Variants in PLEKHH3 observed in about 807,000 individuals in gnomAD.
The protein encoded by PLEKHH3 is pleckstrin homology domain-containing family H member 3.
A neutral mutation model predicts 77.8 loss-of-function variants in PLEKHH3; 57 were observed. The observed-to-expected ratio is 0.73, with a 90% CI of 0.59 to 0.91. PLEKHH3 has a LOEUF of 0.91. Ranked by LOEUF, PLEKHH3 falls within the 40% of genes least tolerant of loss-of-function variation. PLEKHH3 has a pLI of 0.00. For missense variants in PLEKHH3, 1,082 were observed against 1,091.2 expected (o/e 0.99, Z 0.12); for synonymous variants, 467 against 504.8 (o/e 0.93, Z 1.00).
Position 42,674,121 on chromosome 17 carries a change from C to T in PLEKHH3, c.219-108G>A, listed in dbSNP as rs1209383689. 6 of 1,252,924 alleles carry T rather than the reference C, an allele frequency of 4.8e-6. No individual in the cohort carries two copies. The African/African-American group carries it at 7.5e-5, about 16-fold the overall frequency. The allele number at this position is 1,252,924 out of a possible 1,614,324, so 77.6% of individuals were successfully genotyped here. A position where few individuals can be genotyped will look rare whatever the true frequency, so the allele number is the denominator to read the frequency against. ...GTCTGCTCCCAAGCTGGGCACCCCT[C>T]CCCCAGGCTGTGGGAACCGCTGGGC... On this transcript the variant is annotated intron_variant, in intron 2 of 12. Transcript: ENST00000591022.
chr17:42,669,320 C>G (rs1479747661), intron 12 of PLEKHH3, 110 bp downstream of exon 12: 1 of 1,146,294 alleles, frequency 8.7e-7, no homozygotes, highest in African/African-American at 1.6e-5. Context: ...GTGATCACTG[C>G]TGGATCCCCA....
At position 42,670,264 on chromosome 17, in the gene PLEKHH3, A is replaced by T; in HGVS notation, c.1667T>A (p.Leu556Gln). The T allele has an allele frequency of 7.8e-7, 1 of 1,284,064 alleles. No individual in the cohort carries two copies. 79.5% of individuals were successfully genotyped at this position (1,284,064 alleles called of 1,614,324 possible). The change falls in exon 11 of 13, where the codon CTG (leucine) becomes CAG (glutamine). Residue 556 changes from leucine to glutamine, a missense_variant. Coordinates refer to ENST00000591022, the MANE Select transcript of PLEKHH3 (RefSeq NM_024927.5). ...LQRDFSPRVP[L>Q]PRLDRLLPPP... The stretch of plus-strand genomic sequence containing the variant: ...CGGGAGCAGGCGGTCCAGGCGGGGC[A>T]GGGGCACCCGCGGAGAGAAGTCCCG...
chr17:42,675,602 G>C (rs1260334083), intron 1 of PLEKHH3, among the ~76,000 whole-genome samples: 2 of 152,198 alleles, frequency 1.3e-5, no homozygotes, highest in East Asian at 3.9e-4. Context: ...CGGGCACCGA[G>C]CCACTGGGCC....
chr17:42,668,389 G>A (rs913848011), intron 12 of PLEKHH3, 86 bp from the exon 13 acceptor site: 1 of 1,253,942 alleles, frequency 8.0e-7, no homozygotes, highest in East Asian at 2.9e-5. Flanking sequence ...TAGGGCTCCA[G>A]CTTCCCCACC....
rs78343439 is a variant in PLEKHH3 at position 42,669,585 on chromosome 17, C to T, written c.2050G>A (p.Gly684Ser). The T allele has an allele frequency of 4.6e-4, 737 of 1,610,398 alleles. 4 individuals carry two copies. The East Asian group carries it at 0.015, about 34-fold the overall frequency. ...GRGAPQKLCL[G>S]LGAKAMSLSR... ...AGGGACATGGCCTTGGCTCCCAAGC[C>T]CAGGCACAGCTTCTGTGGAGCACCC... is the stretch of plus-strand genomic sequence containing the variant. The change falls in exon 12 of 13, where the codon GGC becomes AGC. Residue 684 changes from glycine to serine, a missense_variant. Coordinates refer to ENST00000591022, the MANE Select transcript of PLEKHH3 (RefSeq NM_024927.5).
Position 42,676,743 on chromosome 17 carries a change from C to A in PLEKHH3, c.-180G>T, listed in dbSNP as rs567446266. Reference sequence around the variant, plus strand: ...GGTGCAAGGGGACGCTAGCCAGACGCTGAGGGGGGCTCAGTGTCTGGGCCC... The same window carrying A: ...GGTGCAAGGGGACGCTAGCCAGACGATGAGGGGGGCTCAGTGTCTGGGCCC... On this transcript the variant is annotated 5_prime_UTR_variant, in exon 1 of 13. Transcript: ENST00000591022. This position sits in a 1 kb window ranked among gnomAD's most constrained non-coding sequence, Gnocchi z 6.6. The A allele has an allele frequency of 1.3e-5, 8 of 637,544 alleles. No individual in the cohort carries two copies. Among genetic ancestry groups the A allele is most frequent in the South Asian group, 5.6e-5 (3 of 53,424 alleles). The allele number at this position is 637,544 out of a possible 1,614,324, so 39.5% of individuals were successfully genotyped here. A position where few individuals can be genotyped will look rare whatever the true frequency, so the allele number is the denominator to read the frequency against.
In PLEKHH3 at chr17:42,671,329, TG is replaced by T; in HGVS notation, c.1284+21del. 6.2e-7 allele frequency: 1 copy of T among 1,609,330 alleles called. No homozygotes were observed. Among genetic ancestry groups the T allele is most frequent in the Middle Eastern group, 1.7e-4 (1 of 5,904 alleles). On this transcript the variant is annotated intron_variant, in intron 8 of 12. Coordinates refer to ENST00000591022, the MANE Select transcript of PLEKHH3 (RefSeq NM_024927.5). This position sits in a 1 kb window ranked among gnomAD's most constrained non-coding sequence, Gnocchi z 4.7. Reference sequence around the variant, plus strand: ...AGCTGGCAGGGTGGGTTGGAGGTCATGGGGCCTTTCTCTGGCCTCACCTCCC... The same window carrying T: ...AGCTGGCAGGGTGGGTTGGAGGTCATGGGCCTTTCTCTGGCCTCACCTCCC...
In PLEKHH3 at chr17:42,670,867, G is replaced by A. The variant is rs537910292; in HGVS notation, c.1421+127C>T. ...CTGCAAACCTGCGGCGGGCAGGTCC[G>A]TCTGTAAACCAGCGAACACCACAGC... On this transcript the variant is annotated intron_variant, in intron 9 of 12. Coordinates refer to ENST00000591022, the MANE Select transcript of PLEKHH3 (RefSeq NM_024927.5). 4.3e-5 allele frequency: 66 copies of A among 1,528,948 alleles called. No homozygotes were observed. The African/African-American group carries it at 8.8e-4, about 20-fold the overall frequency. 94.7% of individuals were successfully genotyped at this position (1,528,948 alleles called of 1,614,324 possible). A position where few individuals can be genotyped will look rare whatever the true frequency, so the allele number is the denominator to read the frequency against.
At position 42,676,631 on chromosome 17, in the gene PLEKHH3, G is replaced by A. The variant is rs2052834542; in HGVS notation, c.-68C>T. On this transcript the variant is annotated 5_prime_UTR_variant, in exon 1 of 13. Transcript: ENST00000591022. This position sits in a 1 kb window ranked among gnomAD's most constrained non-coding sequence, Gnocchi z 6.6. The stretch of plus-strand genomic sequence containing the variant: ...GAGCAGTAGGGGGTCGGAGGAACTG[G>A]CGGGGCTCCGACCCGAGCAGGGGAA... The A allele has an allele frequency of 6.9e-7, 1 of 1,451,038 alleles. No homozygotes were observed. The allele number at this position is 1,451,038 out of a possible 1,614,324, so 89.9% of individuals were successfully genotyped here.
At position 42,676,834 on chromosome 17, in the gene PLEKHH3, G is replaced by C. The variant is rs2052839061; in HGVS notation, c.-271C>G. On this transcript the variant is annotated 5_prime_UTR_variant, in exon 1 of 13. Coordinates refer to ENST00000591022, the MANE Select transcript of PLEKHH3 (RefSeq NM_024927.5). This position sits in a 1 kb window ranked among gnomAD's most constrained non-coding sequence, Gnocchi z 6.6. ...AGGAGGGAGCAATGTCCGGAGCTGG[G>C]AAGTAGTGTCCGTTGGAGTGTCCAG... 1.9e-6 allele frequency: 1 copy of C among 528,720 alleles called. No homozygotes were observed. The allele number at this position is 528,720 out of a possible 1,614,324, so 32.8% of individuals were successfully genotyped here. A position where few individuals can be genotyped will look rare whatever the true frequency, so the allele number is the denominator to read the frequency against.
At chr17:42,670,803 C>A (rs1297391535) in intron 9 of PLEKHH3, 98 bp from the exon 10 acceptor site, 1 of 1,520,642 alleles carries the variant, frequency 6.6e-7, no homozygotes, top group Non-Finnish European at 8.9e-7. Context: ...GGGGCGGGGC[C>A]TGGGCGGAGC....
At chr17:42,669,237 C>T in intron 12 of PLEKHH3, 193 bp downstream of exon 12, 1 of 480,282 alleles carries the variant, frequency 2.1e-6, no homozygotes, top group Non-Finnish European at 3.4e-6. Context: ...TAGCATTTCT[C>T]ACTGTCTTCA....
In PLEKHH3 at chr17:42,671,201, G is replaced by A. The variant is rs1027674405; in HGVS notation, c.1285-71C>T. ...ATTCTGGGAGGGGTTGATTCAATTG[G>A]AAGGGGTCTCTTAGTCCTGTCACCA... On this transcript the variant is annotated intron_variant, in intron 8 of 12. Coordinates refer to ENST00000591022, the MANE Select transcript of PLEKHH3 (RefSeq NM_024927.5). The surrounding 1 kb of genome is among the most constrained non-coding windows in gnomAD (Gnocchi z 4.7). 10 of 1,527,794 alleles carry A rather than the reference G, an allele frequency of 6.5e-6. No homozygotes were observed. Among genetic ancestry groups the A allele is most frequent in the African/African-American group, 1.4e-5 (1 of 72,350 alleles). 94.6% of individuals were successfully genotyped at this position (1,527,794 alleles called of 1,614,324 possible).
rs759733874 is a variant in PLEKHH3 at position 42,670,118 on chromosome 17, G to A, written c.1813C>T (p.Arg605Trp). Residue 605 changes from arginine to tryptophan, a missense_variant, in exon 11 of 13, where the codon CGG becomes TGG. Transcript: ENST00000591022. ...GCAGTGCGGCCGGCCCCGCCGCGCC[G>A]GGCCCGCTCCGCCCGCCTCTTGGCC... ...GLAKRRAERA[R>W]RGGAGRTAGS... The A allele has an allele frequency of 9.6e-6, 12 of 1,255,576 alleles. No individual in the cohort carries two copies. The highest frequency in any genetic ancestry group is 7.0e-5 in the East Asian group (2 of 28,522). The allele number at this position is 1,255,576 out of a possible 1,614,324, so 77.8% of individuals were successfully genotyped here.
At chr17:42,674,723 G>A (rs568075080) in intron 1 of PLEKHH3, 30 of 323,114 alleles carry the variant, frequency 9.3e-5, no homozygotes, top group Admixed American at 4.0e-4. Flanking sequence ...TCCAATTCCC[G>A]CCCCACCACT....
Position 42,670,207 on chromosome 17 carries a change from C to A in PLEKHH3, c.1724G>T (p.Arg575Leu). Residue 575 changes from arginine (R) to leucine (L), a missense_variant, in exon 11 of 13, where the codon CGC (arginine) becomes CTC (leucine). Arg to Leu is a moderately radical substitution (Grantham distance 102, BLOSUM62 -2). Transcript: ENST00000591022. The part of the protein sequence containing the change: ...PPAPPREDPP[R>L]PTPRPPPSAA... ...GGAAGGGGGCGGCCTGGGGGTCGGGCGGGGCGGGTCTTCGCGCGGCGGGGC... is the reference window on the plus strand; with the variant it reads ...GGAAGGGGGCGGCCTGGGGGTCGGGAGGGGCGGGTCTTCGCGCGGCGGGGC... 9.0e-7 allele frequency: 1 copy of A among 1,106,288 alleles called. No homozygotes were observed. Among genetic ancestry groups the A allele is most frequent in the Non-Finnish European group, 1.1e-6 (1 of 895,174 alleles). 68.5% of individuals were successfully genotyped at this position (1,106,288 alleles called of 1,614,324 possible). A position where few individuals can be genotyped will look rare whatever the true frequency, so the allele number is the denominator to read the frequency against.
At position 42,671,606 on chromosome 17, in the gene PLEKHH3, C is replaced by T. The variant is rs1194447725; in HGVS notation, c.1077-48G>A. The T allele has an allele frequency of 1.3e-6, 2 of 1,523,112 alleles. No individual in the cohort carries two copies. The highest frequency in any genetic ancestry group is 1.8e-6 in the Non-Finnish European group (2 of 1,122,652). The allele number at this position is 1,523,112 out of a possible 1,614,324, so 94.3% of individuals were successfully genotyped here. A position where few individuals can be genotyped will look rare whatever the true frequency, so the allele number is the denominator to read the frequency against. On this transcript the variant is annotated intron_variant, in intron 7 of 12. Transcript: ENST00000591022. The surrounding 1 kb of genome is among the most constrained non-coding windows in gnomAD (Gnocchi z 4.7). ...ATCAATACTCCAAGGGCTTTCTTCT[C>T]CCCCTCCCTCTTGCCTGCTTCTCTT...
Position 42,673,656 on chromosome 17 carries a change from C to G in PLEKHH3, c.477G>C (p.Arg159Ser). ...AGGAGGTCTCACCTGTCTCCTTACG[C>G]CTGCGCTCTGGGCCGGTCACCGAGC... ...SLCSVTGPER[R>S]RKETGLWSVT... The change falls in exon 4 of 13, where the codon AGG (arginine) becomes AGC (serine). Residue 159 changes from arginine to serine, a missense_variant. Physicochemically the swap from Arg to Ser is moderately radical, Grantham distance 110. Transcript: ENST00000591022. The G allele has an allele frequency of 6.2e-7, 1 of 1,602,846 alleles. No individual in the cohort carries two copies. The highest frequency in any genetic ancestry group is 8.5e-7 in the Non-Finnish European group (1 of 1,179,832).
In PLEKHH3 at chr17:42,671,030, C is replaced by T. The variant is rs746359041; in HGVS notation, c.1385G>A (p.Gly462Glu). 3.7e-6 allele frequency: 6 copies of T among 1,610,864 alleles called. No individual in the cohort carries two copies. Among genetic ancestry groups the T allele is most frequent in the Non-Finnish European group, 5.1e-6 (6 of 1,179,168 alleles). The stretch of plus-strand genomic sequence containing the variant: ...GGTGAGCACGTCGGCCACGAGGGTC[C>T]CCCCAGCCAGGGCTCGCTCCTGGGC... Reference protein sequence around the residue: ...RGAQERALAGGTLVADVLTRF... With the variant: ...RGAQERALAGETLVADVLTRF... The change falls in exon 9 of 13, where the codon GGG (glycine) becomes GAG (glutamate). Residue 462 changes from glycine (G) to glutamate (E), a missense_variant. Gly to Glu is a moderately conservative substitution (Grantham distance 98, BLOSUM62 -2). Transcript: ENST00000591022. This position sits in a 1 kb window ranked among gnomAD's most constrained non-coding sequence, Gnocchi z 4.7.
Sources: gnomAD v4.1 joint callset for allele counts (sites outside exome capture counted in the v4.1 genomes callset) on GRCh38, gnomAD v4.1.1 for gene constraint, Gnocchi (gnomAD v3.1) non-coding constraint, MANE v1.5 for transcripts, NCBI Gene and HGNC (gene_info 2026-07-23, HGNC 2026-07-21) for gene names.